Variants in DDAH1 observed in about 807,000 individuals in gnomAD.
The protein encoded by DDAH1 is N(G),N(G)-dimethylarginine dimethylaminohydrolase 1.
DDAH1 carries 19 observed loss-of-function variants against 28.8 expected under a neutral mutation model. That is an observed-to-expected ratio of 0.66 (90% CI 0.46 to 0.97). The LOEUF (loss-of-function observed/expected upper bound fraction) is 0.97. Among genes scored for constraint, DDAH1 ranks in the 50% least tolerant of loss-of-function variants. DDAH1 has a pLI of 0.00. For synonymous variants in DDAH1, 153 were observed against 154.4 expected (o/e 0.99, Z 0.07); for missense variants, 326 against 375.9 (o/e 0.87, Z 1.10).
intron 2 of DDAH1, among the ~76,000 whole-genome samples, chr1:85,486,216 T>G (rs57794103): frequency 0.14 from 21,344 of 152,052 alleles, 2,786 homozygotes; most frequent in African/African-American, 0.35. Flanking sequence ...AGGATGAAAA[T>G]CCACTGGATT....
At chr1:85,413,143 A>C (rs1195889800) in intron 1 of DDAH1, among the ~76,000 whole-genome samples, 1 of 152,232 alleles carries the variant, frequency 6.6e-6, no homozygotes, top group Non-Finnish European at 1.5e-5. Context: ...TCAAGTTCTC[A>C]CTACTTTTGA....
intron 2 of DDAH1, among the ~76,000 whole-genome samples, chr1:85,482,691 A>G (rs1446385843): frequency 1.3e-5 from 2 of 152,200 alleles, no homozygotes; most frequent in Non-Finnish European, 2.9e-5. Flanking sequence ...GTTTTGAGGG[A>G]TGGAGGGATG....
At chr1:85,547,292 G>A (rs900247720) in intron 1 of DDAH1, among the ~76,000 whole-genome samples, 41 of 152,100 alleles carry the variant, frequency 2.7e-4, no homozygotes, top group African/African-American at 9.7e-4. Context: ...TGTAGATAAA[G>A]GTTTTCTACC....
At chr1:85,385,335 A>C (rs1463534755) in intron 1 of DDAH1, among the ~76,000 whole-genome samples, 1 of 152,260 alleles carries the variant, frequency 6.6e-6, no homozygotes, top group Non-Finnish European at 1.5e-5. Flanking sequence ...CTGGTGAAGA[A>C]GACCAGGATC....
intron 1 of DDAH1, among the ~76,000 whole-genome samples, chr1:85,423,517 TCCTC>T (rs1281872223): frequency 6.6e-6 from 1 of 151,988 alleles, no homozygotes; most frequent in Non-Finnish European, 1.5e-5. Flanking sequence ...CCCCCTTGCT[TCCTC>T]CCTCCCTCCC....
chr1:85,409,767 C>A (rs1172521030), intron 1 of DDAH1, among the ~76,000 whole-genome samples: 1 of 152,086 alleles, frequency 6.6e-6, no homozygotes, highest in Admixed American at 6.6e-5. Flanking sequence ...TATAAGTTTT[C>A]AACTTTATTT....
intron 2 of DDAH1, among the ~76,000 whole-genome samples, chr1:85,479,038 TTTTAC>T (rs1444189610): frequency 6.6e-6 from 1 of 152,166 alleles, no homozygotes; most frequent in Non-Finnish European, 1.5e-5. Context: ...TTAATTTTTA[TTTTAC>T]TTTATTTTGC....
chr1:85,508,962 G>A (rs1313574284), intron 1 of DDAH1, among the ~76,000 whole-genome samples: 1 of 152,256 alleles, frequency 6.6e-6, no homozygotes, highest in Admixed American at 6.5e-5. Flanking sequence ...TCTGAAGAGA[G>A]CAGTGGTGCT....
chr1:85,415,171 C>T (rs981199233), intron 1 of DDAH1, among the ~76,000 whole-genome samples: 5 of 151,902 alleles, frequency 3.3e-5, no homozygotes, highest in Admixed American at 6.6e-5. Context: ...CCTGACACCA[C>T]GCCCGGCTAA....
intron 1 of DDAH1, among the ~76,000 whole-genome samples, chr1:85,555,891 C>G (rs1200531246): frequency 6.6e-6 from 1 of 152,126 alleles, no homozygotes; most frequent in Non-Finnish European, 1.5e-5. Context: ...CTTATTTTGA[C>G]ATGTTTTTAA....
At chr1:85,372,143 G>C (rs1415712655) in intron 1 of DDAH1, among the ~76,000 whole-genome samples, 1 of 152,092 alleles carries the variant, frequency 6.6e-6, no homozygotes, top group Non-Finnish European at 1.5e-5. Context: ...TCTGATTCCA[G>C]GCTGAAGCAT....
chr1:85,369,944 G>A (rs993121654), intron 1 of DDAH1, among the ~76,000 whole-genome samples: 2 of 152,166 alleles, frequency 1.3e-5, no homozygotes, highest in African/African-American at 4.8e-5. Context: ...CAGTGCAAAG[G>A]CCCTAAGGTG....
At chr1:85,576,372 G>T (rs1172785377) in intron 1 of DDAH1, among the ~76,000 whole-genome samples, 2 of 152,206 alleles carry the variant, frequency 1.3e-5, no homozygotes, top group Non-Finnish European at 2.9e-5. Context: ...ACAGCCTACT[G>T]ATGGCAGAGC....
In DDAH1 at chr1:85,318,552, C is replaced by G. The variant is rs1661199054; in HGVS notation, c.*2900G>C. 6.6e-6 allele frequency: 1 copy of G among 152,546 alleles called. No homozygotes were observed. The highest frequency in any genetic ancestry group is 2.4e-5 in the African/African-American group (1 of 41,414). 9.4% of individuals were successfully genotyped at this position (152,546 alleles called of 1,614,324 possible). On this transcript the variant is annotated 3_prime_UTR_variant, in exon 6 of 6. Coordinates refer to ENST00000284031, the MANE Select transcript of DDAH1 (RefSeq NM_012137.4). ...CATGTAAGATTGAGACATCAAGAGA[C>G]TAAAAATCAGTGCAGAACTTCTCTG...
chr1:85,473,009 G>T (rs754109722), intron 2 of DDAH1, among the ~76,000 whole-genome samples: 2 of 152,118 alleles, frequency 1.3e-5, no homozygotes, highest in Non-Finnish European at 1.5e-5. Flanking sequence ...ATTCACTTAG[G>T]ATAATGACCT....
intron 1 of DDAH1, among the ~76,000 whole-genome samples, chr1:85,549,207 T>A (rs897853842): frequency 1.3e-5 from 2 of 152,216 alleles, no homozygotes; most frequent in Non-Finnish European, 2.9e-5. Flanking sequence ...CTAAGTATTT[T>A]TGTCTCTCTT....
chr1:85,464,415 A>T lies in DDAH1; in HGVS notation c.303+328T>A. Reference sequence around the variant, plus strand: ...TCGCGGCCCTCGCTCCCTGGGAAACACTCAGAGTTGCACTGTCGTCGCTGC... The same window carrying T: ...TCGCGGCCCTCGCTCCCTGGGAAACTCTCAGAGTTGCACTGTCGTCGCTGC... On this transcript the variant is annotated intron_variant, in intron 1 of 5. Coordinates refer to ENST00000284031, the MANE Select transcript of DDAH1 (RefSeq NM_012137.4). This position sits in a 1 kb window ranked among gnomAD's most constrained non-coding sequence, Gnocchi z 4.4. 1 of 1,323,206 alleles carries T rather than the reference A, an allele frequency of 7.6e-7. No homozygotes were observed. The highest frequency in any genetic ancestry group is 1.0e-6 in the Non-Finnish European group (1 of 989,320). The allele number at this position is 1,323,206 out of a possible 1,614,324, so 82.0% of individuals were successfully genotyped here.
chr1:85,515,853 A>C (rs1287144762), intron 1 of DDAH1, among the ~76,000 whole-genome samples: 3 of 152,224 alleles, frequency 2.0e-5, no homozygotes, highest in Non-Finnish European at 4.4e-5. Context: ...GCCATTACAA[A>C]ATACCACAGG....
chr1:85,498,201 A>C (rs1291698281), intron 1 of DDAH1, among the ~76,000 whole-genome samples: 1 of 152,152 alleles, frequency 6.6e-6, no homozygotes, highest in Admixed American at 6.5e-5. Flanking sequence ...GGGATAGCCA[A>C]CAGGACTATA....
Sources: allele counts gnomAD v4.1 joint callset (sites outside exome capture counted in the v4.1 genomes callset), GRCh38; gene constraint gnomAD v4.1.1; non-coding constraint Gnocchi (gnomAD v3.1); transcripts MANE v1.5; gene names NCBI Gene and HGNC (gene_info 2026-07-23, HGNC 2026-07-21).